The following TBC1D16 variants were observed in gnomAD, a reference collection of about 807,000 sequenced individuals.
TBC1D16 encodes the protein TBC1 domain family member 16, also known as CTD-2529O21.1.
A neutral mutation model predicts 74.7 loss-of-function variants in TBC1D16; 58 were observed. The ratio of observed to expected loss-of-function variants is 0.78; its 90% CI spans 0.63 to 0.97. TBC1D16 has a LOEUF of 0.97. Among genes scored for constraint, TBC1D16 ranks in the 50% least tolerant of loss-of-function variants. The pLI, the probability that TBC1D16 is intolerant of heterozygous loss-of-function variation, is 0.00. For missense variants in TBC1D16, 1,014 were observed against 1,079.5 expected (o/e 0.94, Z 0.85); for synonymous variants, 493 against 474.7 (o/e 1.04, Z -0.50).
At chr17:79,952,013 T>A (rs1357234423) in intron 4 of TBC1D16, 2 of 159,680 alleles carry the variant, frequency 1.3e-5, no homozygotes, top group African/African-American at 2.4e-5. Context: ...GGTGGAACTC[T>A]GGGAGAACCC....
rs762059742 is a variant in TBC1D16 at position 79,945,102 on chromosome 17, G to A, written c.1729-15C>T. 1.1e-5 allele frequency: 18 copies of A among 1,566,220 alleles called. No homozygotes were observed. The highest frequency in any genetic ancestry group is 1.7e-4 in the Middle Eastern group (1 of 5,896). On this transcript the variant is annotated splice_polypyrimidine_tract_variant and intron_variant, in intron 9 of 11. Coordinates refer to ENST00000310924, the MANE Select transcript of TBC1D16 (RefSeq NM_019020.4). ...CGCAGGTACAGCTGGGGGTGAGGCC[G>A]TCACGCGTTAGTTAGCTCCGGTCCC...
In TBC1D16 at chr17:80,008,611, G is replaced by C. The variant is rs1445152800; in HGVS notation, c.779+1549C>G. ...AGCTCCGACTGAGTCCGGCCTGCGG[G>C]ACCCAGGCCAGGACCAGAGTTCGGG... On this transcript the variant is annotated intron_variant, in intron 3 of 11. Transcript: ENST00000310924. This position sits in a 1 kb window ranked among gnomAD's most constrained non-coding sequence, Gnocchi z 4.5. Among the ~76,000 whole-genome samples the C allele has an allele frequency of 6.6e-6, 1 of 152,080 alleles. No homozygotes were observed. The highest frequency in any genetic ancestry group is 1.5e-5 in the Non-Finnish European group (1 of 68,012).
rs571320236 is a variant in TBC1D16, at chr17:79,960,802, A to C, written c.780-7984T>G. Among the ~76,000 whole-genome samples, 112 of 148,738 alleles carry C rather than the reference A, an allele frequency of 7.5e-4. 1 individual carries two copies. The highest frequency in any genetic ancestry group is 6.6e-3 in the East Asian group (34 of 5,118). ...CCCAAAAAAAAAAAAAAAAAAAAAA[A>C]AAAAAAACGAAGGAATGAAACTGAC... is the stretch of plus-strand genomic sequence containing the variant. On this transcript the variant is annotated intron_variant, in intron 3 of 11. Transcript: ENST00000310924.
At chr17:80,006,175 C>T (rs1440269520) in intron 3 of TBC1D16, among the ~76,000 whole-genome samples, 2 of 151,120 alleles carry the variant, frequency 1.3e-5, no homozygotes, top group Non-Finnish European at 3.0e-5. Context: ...CCCCAGAGCA[C>T]CAGGAGCGCT....
intron 3 of TBC1D16, among the ~76,000 whole-genome samples, chr17:79,991,336 G>C (rs1312554913): frequency 6.6e-6 from 1 of 152,156 alleles, no homozygotes; most frequent in Non-Finnish European, 1.5e-5. Context: ...TCTGGGTTCC[G>C]TGTAGTCTCA....
chr17:80,004,538 C>G (rs568032446), intron 3 of TBC1D16, among the ~76,000 whole-genome samples: 1 of 152,294 alleles, frequency 6.6e-6, no homozygotes, highest in Admixed American at 6.5e-5. Flanking sequence ...TTTGAAAACT[C>G]CCTGATCCAA....
intron 3 of TBC1D16, among the ~76,000 whole-genome samples, chr17:79,960,681 T>C (rs1008547810): frequency 5.4e-5 from 8 of 146,854 alleles, no homozygotes; most frequent in African/African-American, 2.0e-4. Context: ...ACTTGAACCC[T>C]GGAGGCGAGG....
At chr17:80,025,463 G>T (rs543885023) in intron 1 of TBC1D16, among the ~76,000 whole-genome samples, 1 of 150,240 alleles carries the variant, frequency 6.7e-6, no homozygotes, top group South Asian at 2.1e-4. Context: ...AGCTGGAGGA[G>T]GGGGCGCCTA....
Position 80,001,553 on chromosome 17 carries a change from C to T in TBC1D16, c.779+8607G>A, listed in dbSNP as rs968476921. On this transcript the variant is annotated intron_variant, in intron 3 of 11. Transcript: ENST00000310924. This position sits in a 1 kb window ranked among gnomAD's most constrained non-coding sequence, Gnocchi z 5.8. ...GCGGCGGGCGCTCTCGGGGTATCCC[C>T]GGGCGCCCTGGTTGGCCCACGACCG... is the stretch of plus-strand genomic sequence containing the variant. Among the ~76,000 whole-genome samples, 3 of 152,138 alleles carry T rather than the reference C, an allele frequency of 2.0e-5. No homozygotes were observed. The highest frequency in any genetic ancestry group is 4.8e-5 in the African/African-American group (2 of 41,436).
At chr17:79,952,296 C>G (rs780546307) in intron 4 of TBC1D16, 33 of 199,482 alleles carry the variant, frequency 1.7e-4, no homozygotes, top group Non-Finnish European at 3.0e-4. Flanking sequence ...AGCTGCGGCC[C>G]GTCCCGCACA....
In TBC1D16 at chr17:79,950,886, G is replaced by T; in HGVS notation, c.1090-308C>A. 1 of 1,482,142 alleles carries T rather than the reference G, an allele frequency of 6.7e-7. No individual in the cohort carries two copies. Among genetic ancestry groups the T allele is most frequent in the Non-Finnish European group, 9.0e-7 (1 of 1,111,020 alleles). 91.8% of individuals were successfully genotyped at this position (1,482,142 alleles called of 1,614,324 possible). On this transcript the variant is annotated intron_variant, in intron 5 of 11. Transcript: ENST00000310924. This position sits in a 1 kb window ranked among gnomAD's most constrained non-coding sequence, Gnocchi z 4.6. ...TCGTTCGGCCTAACTTCCCTCTGCC[G>T]GGAGGGCCTGCAATGAATTACATGT...
rs115163498 is a variant in TBC1D16, at chr17:79,956,684, T to A, written c.780-3866A>T. Among the ~76,000 whole-genome samples, 1 of 152,292 alleles carries A rather than the reference T, an allele frequency of 6.6e-6. No homozygotes were observed. Among genetic ancestry groups the A allele is most frequent in the African/African-American group, 2.4e-5 (1 of 41,550 alleles). ...GAAGAAACCTTCAAACATATTGAGCTGTGGTTCTCAAGGTTACCAGGGCCA... is the reference window on the plus strand; with the variant it reads ...GAAGAAACCTTCAAACATATTGAGCAGTGGTTCTCAAGGTTACCAGGGCCA... On this transcript the variant is annotated intron_variant, in intron 3 of 11. Transcript: ENST00000310924. This position sits in a 1 kb window ranked among gnomAD's most constrained non-coding sequence, Gnocchi z 4.0.
intron 3 of TBC1D16, 126 bp from the exon 4 acceptor site, chr17:79,952,944 C>T: frequency 9.5e-7 from 1 of 1,057,516 alleles, no homozygotes; most frequent in Non-Finnish European, 1.3e-6. Context: ...ACAGGCACGG[C>T]TGAATATGCC....
At chr17:79,960,793 A>AAAAAAAAAAAAAAAAAC (rs2033568512) in intron 3 of TBC1D16, among the ~76,000 whole-genome samples, 1 of 144,206 alleles carries the variant, frequency 6.9e-6, no homozygotes, top group East Asian at 2.0e-4. Flanking sequence ...AAAAAAAAAA[A>AAAAAAAAAAAAAAAAAC]AAAAAAAAAA....
Position 79,983,805 on chromosome 17 carries a change from G to C in TBC1D16, c.779+26355C>G, listed in dbSNP as rs1054113720. The stretch of plus-strand genomic sequence containing the variant: ...GGTCACGGGGTTCATTTATGATTGT[G>C]TTTCATGGTTTACATGCTACAAATA... On this transcript the variant is annotated intron_variant, in intron 3 of 11. Coordinates refer to ENST00000310924, the MANE Select transcript of TBC1D16 (RefSeq NM_019020.4). This position sits in a 1 kb window ranked among gnomAD's most constrained non-coding sequence, Gnocchi z 5.6. 1.3e-5 allele frequency among the ~76,000 whole-genome samples: 2 copies of C among 152,108 alleles called. No homozygotes were observed. Among genetic ancestry groups the C allele is most frequent in the African/African-American group, 2.4e-5 (1 of 41,406 alleles).
chr17:80,005,901 C>G (rs886342406), intron 3 of TBC1D16, among the ~76,000 whole-genome samples: 4 of 152,252 alleles, frequency 2.6e-5, no homozygotes, highest in East Asian at 1.9e-4. Flanking sequence ...CCTAGGCCCC[C>G]GGGGTGGGGT....
chr17:79,955,005 G>C (rs1017774301), intron 3 of TBC1D16, among the ~76,000 whole-genome samples: 1 of 152,124 alleles, frequency 6.6e-6, no homozygotes, highest in Non-Finnish European at 1.5e-5. Context: ...CTGGTCCCCT[G>C]GAGGGCCGGA....
intron 1 of TBC1D16, among the ~76,000 whole-genome samples, chr17:80,019,404 C>T (rs560160586): frequency 2.0e-5 from 3 of 147,940 alleles, no homozygotes; most frequent in Admixed American, 2.0e-4. Flanking sequence ...AGAACTCCGG[C>T]TCCTCCATCA....
chr17:80,010,182 C>T lies in TBC1D16; in HGVS notation c.757G>A (p.Val253Met), dbSNP rs537042311. 22 of 1,610,726 alleles carry T rather than the reference C, an allele frequency of 1.4e-5. No homozygotes were observed. The highest frequency in any genetic ancestry group is 6.7e-5 in the Admixed American group (4 of 59,738). Residue 253 changes from valine (V) to methionine (M), a missense_variant, in exon 3 of 12, where the codon GTG (valine) becomes ATG (methionine). Val to Met is a conservative substitution (Grantham distance 21). Transcript: ENST00000310924. The surrounding 1 kb of genome is among the most constrained non-coding windows in gnomAD (Gnocchi z 8.8). ...CACCTGCTGTCACTTTCCAGAAACA[C>T]GGAGCCGCGGCTCTCGGCCAGCGCC... ...SAALAESRGS[V>M]FLESDSSPPS...
Sources: allele counts gnomAD v4.1 joint callset (sites outside exome capture counted in the v4.1 genomes callset), GRCh38; gene constraint gnomAD v4.1.1; non-coding constraint Gnocchi (gnomAD v3.1); transcripts MANE v1.5; gene names NCBI Gene and HGNC (gene_info 2026-07-23, HGNC 2026-07-21).